The following NXPE4 variants were observed in gnomAD, a reference collection of about 807,000 sequenced individuals.
NXPE4 encodes neurexophilin and PC-esterase domain family member 4.
NXPE4 carries 42 observed loss-of-function variants against 33.3 expected under a neutral mutation model. The ratio of observed to expected loss-of-function variants is 1.26; its 90% CI spans 0.98 to 1.63. The LOEUF (loss-of-function observed/expected upper bound fraction) is 1.63, where lower values mean the gene tolerates loss of function less well. Among genes scored for constraint, NXPE4 ranks in the 40% most tolerant of loss-of-function variants. The pLI, the probability that NXPE4 is intolerant of heterozygous loss-of-function variation, is 0.00. For missense variants in NXPE4, 709 were observed against 647.6 expected (o/e 1.09, Z -1.03); for synonymous variants, 253 against 234.9 (o/e 1.08, Z -0.71).
rs372688755 is a variant in NXPE4, at chr11:114,582,399, C to G, written c.719G>C (p.Gly240Ala). The change falls in exon 3 of 6, where the codon GGC becomes GCC. Residue 240 changes from glycine (G) to alanine (A), a missense_variant. Coordinates refer to ENST00000375478, the MANE Select transcript of NXPE4 (RefSeq NM_001077639.2). ...CQYLDNRDQE[G>A]FYCVRPQHMP... is the part of the protein sequence containing the mutation. Reference sequence around the variant, plus strand: ...GTGTTGAGGCCTCACACAGTAGAAGCCTTCTTGGTCTCTGTTGTCCAGGTA... The same window carrying G: ...GTGTTGAGGCCTCACACAGTAGAAGGCTTCTTGGTCTCTGTTGTCCAGGTA... 5.0e-6 allele frequency: 8 copies of G among 1,614,032 alleles called. No individual in the cohort carries two copies. Among genetic ancestry groups the G allele is most frequent in the East Asian group, 2.2e-5 (1 of 44,900 alleles).
At chr11:114,661,274 T>C in the NXPE4 span, among the ~76,000 whole-genome samples, 1 of 152,132 alleles carries the variant, frequency 6.6e-6, no homozygotes, top group Non-Finnish European at 1.5e-5. Context: ...TGTTGAAAGG[T>C]AAGGGAAATA....
chr11:114,675,292 CT>C, the NXPE4 span, among the ~76,000 whole-genome samples: 10 of 151,736 alleles, frequency 6.6e-5, no homozygotes, highest in African/African-American at 2.4e-4. Flanking sequence ...CAACATAGTA[CT>C]GGAAGTCCTA....
At chr11:114,614,680 T>C in the NXPE4 span, among the ~76,000 whole-genome samples, 25 of 151,996 alleles carry the variant, frequency 1.6e-4, no homozygotes, top group Non-Finnish European at 2.1e-4. Context: ...GGATAAGTGT[T>C]GCCTCGTGGG....
intron 5 of NXPE4, among the ~76,000 whole-genome samples, chr11:114,577,047 ATATATATATACATATATATATATAAAGT>A (rs1216300138): frequency 2.9e-4 from 12 of 41,950 alleles, no homozygotes; most frequent in East Asian, 1.1e-3. Context: ...ATATAAAGTT[ATATATATATACATATATATATATAAAGT>A]TATATATATA....
chr11:114,580,592 C>T (rs911754364), intron 4 of NXPE4, among the ~76,000 whole-genome samples: 3 of 151,936 alleles, frequency 2.0e-5, no homozygotes, highest in African/African-American at 7.3e-5. Context: ...AAAAAAATGG[C>T]TTTCTGGAGG....
At chr11:114,584,067 A>C (rs963585459) in intron 2 of NXPE4, 15 of 305,838 alleles carry the variant, frequency 4.9e-5, no homozygotes, top group Non-Finnish European at 7.7e-5. Flanking sequence ...GGTCACTTAG[A>C]TTGCTTTAAT....
chr11:114,614,228 C>T, the NXPE4 span, among the ~76,000 whole-genome samples: 3 of 151,880 alleles, frequency 2.0e-5, no homozygotes, highest in Admixed American at 6.6e-5. Context: ...AGTGTTGCCT[C>T]GTGGGTAACC....
chr11:114,635,478 C>G, the NXPE4 span, among the ~76,000 whole-genome samples: 3 of 151,888 alleles, frequency 2.0e-5, no homozygotes, highest in African/African-American at 7.3e-5. Flanking sequence ...CGTAATTGCC[C>G]TGGCCAGAAC....
the NXPE4 span, among the ~76,000 whole-genome samples, chr11:114,639,752 ATAT>A: frequency 1.8e-4 from 23 of 129,872 alleles, no homozygotes; most frequent in African/African-American, 5.9e-4. Flanking sequence ...TATATAATAT[ATAT>A]TATATTAAAT....
chr11:114,578,629 T>C (rs900266928), intron 5 of NXPE4, among the ~76,000 whole-genome samples: 12 of 152,194 alleles, frequency 7.9e-5, no homozygotes, highest in Non-Finnish European at 1.8e-4. Context: ...TTTGAGATCA[T>C]GAGTGGCCTC....
At chr11:114,591,901 G>C (rs1035993554) in intron 2 of NXPE4, among the ~76,000 whole-genome samples, 9 of 152,100 alleles carry the variant, frequency 5.9e-5, no homozygotes, top group South Asian at 2.1e-4. Context: ...AAGTCCATTT[G>C]TCAGGTGGCC....
the NXPE4 span, among the ~76,000 whole-genome samples, chr11:114,660,651 T>C: frequency 2.6e-5 from 4 of 152,070 alleles, no homozygotes; most frequent in Admixed American, 1.3e-4. Context: ...TGTATTGATA[T>C]CATGTTCAAT....
intron 2 of NXPE4, 56 bp downstream of exon 2, chr11:114,594,608 T>G (rs964104303): frequency 2.7e-6 from 3 of 1,113,868 alleles, no homozygotes; most frequent in Non-Finnish European, 4.1e-6. Flanking sequence ...CTAGAACAGA[T>G]GAGGTAATAA....
intron 5 of NXPE4, among the ~76,000 whole-genome samples, chr11:114,574,338 GA>G (rs202048981): frequency 2.7e-5 from 4 of 148,938 alleles, no homozygotes; most frequent in East Asian, 2.0e-4. Flanking sequence ...AAACCTGGCA[GA>G]AAAAAAAATA....
chr11:114,583,929 A>C (rs1949219086), intron 2 of NXPE4: 1 of 393,220 alleles, frequency 2.5e-6, no homozygotes. Context: ...GCTATTAACT[A>C]TCTGCTCCTA....
chr11:114,587,879 A>G (rs1432173250), intron 2 of NXPE4, among the ~76,000 whole-genome samples: 2 of 152,140 alleles, frequency 1.3e-5, no homozygotes, highest in Admixed American at 6.5e-5. Context: ...CTTTTGCATA[A>G]GGGTGTGGCC....
chr11:114,626,500 T>TC, the NXPE4 span, among the ~76,000 whole-genome samples: 1 of 152,102 alleles, frequency 6.6e-6, no homozygotes, highest in Non-Finnish European at 1.5e-5. Context: ...AGAAAGGACA[T>TC]CCACACCAAA....
At chr11:114,587,334 C>T (rs138103620) in intron 2 of NXPE4, among the ~76,000 whole-genome samples, 26 of 152,228 alleles carry the variant, frequency 1.7e-4, no homozygotes, top group Non-Finnish European at 2.5e-4. Flanking sequence ...AATTTAATTC[C>T]GGAAGTTAAC....
intron 2 of NXPE4, among the ~76,000 whole-genome samples, chr11:114,593,594 C>G (rs1469606486): frequency 9.2e-5 from 14 of 152,046 alleles, no homozygotes; most frequent in Admixed American, 9.2e-4. Flanking sequence ...ATTAGTACAA[C>G]CACTATAGAG....
Sources: allele counts gnomAD v4.1 joint callset (sites outside exome capture counted in the v4.1 genomes callset), GRCh38; gene constraint gnomAD v4.1.1; transcripts MANE v1.5; gene names NCBI Gene and HGNC (gene_info 2026-07-23, HGNC 2026-07-21).